GAB1: variants seen among roughly 807,000 people sequenced by gnomAD.
The protein encoded by GAB1 is GRB2-associated-binding protein 1.
Under a neutral mutation model 66.5 loss-of-function variants are expected in GAB1, and 19 were observed. That is an observed-to-expected ratio of 0.29 (90% CI 0.20 to 0.42). The LOEUF is 0.42. Among genes scored for constraint, GAB1 ranks in the 10% least tolerant of loss-of-function variants. The pLI, the probability that GAB1 is intolerant of heterozygous loss-of-function variation, is 1.00. For synonymous variants in GAB1, 294 were observed against 301.4 expected, an observed-to-expected ratio of 0.98 and a Z score of 0.25; for missense variants, 732 against 858.5, an observed-to-expected ratio of 0.85 and a Z score of 1.84.
intron 1 of GAB1, among the ~76,000 whole-genome samples, chr4:143,378,982 G>A (rs748306038): frequency 6.6e-5 from 10 of 152,096 alleles, no homozygotes; most frequent in African/African-American, 1.7e-4. Flanking sequence ...CTTAGGCCCC[G>A]AAGCCAGGAA....
intron 1 of GAB1, chr4:143,350,031 G>C: frequency 6.4e-7 from 1 of 1,555,048 alleles, no homozygotes; most frequent in Non-Finnish European, 8.7e-7. Context: ...TGCCACTGCC[G>C]AAACCTCCGC....
At chr4:143,374,398 C>T (rs187514301) in intron 1 of GAB1, among the ~76,000 whole-genome samples, 37 of 152,282 alleles carry the variant, frequency 2.4e-4, no homozygotes, top group Admixed American at 2.4e-3. Context: ...ATTTTTCTTG[C>T]TTTTCATGTG....
intron 1 of GAB1, among the ~76,000 whole-genome samples, chr4:143,410,605 T>C (rs1215762346): frequency 6.6e-6 from 1 of 152,210 alleles, no homozygotes; most frequent in Admixed American, 6.5e-5. Context: ...ATTTGCTAAA[T>C]ACAGGAAATG....
intron 1 of GAB1, among the ~76,000 whole-genome samples, chr4:143,346,157 A>G (rs1020408551): frequency 6.6e-6 from 1 of 152,200 alleles, no homozygotes; most frequent in Non-Finnish European, 1.5e-5. Context: ...AAATCACAAA[A>G]TATTTGTGTC....
chr4:143,370,803 G>A (rs1234699226), intron 1 of GAB1, among the ~76,000 whole-genome samples: 3 of 152,074 alleles, frequency 2.0e-5, no homozygotes, highest in Non-Finnish European at 2.9e-5. Context: ...GCAGTGTTTG[G>A]TTTTCTGTCC....
At chr4:143,420,307 T>C (rs1732945363) in intron 2 of GAB1, among the ~76,000 whole-genome samples, 1 of 152,088 alleles carries the variant, frequency 6.6e-6, no homozygotes, top group South Asian at 2.1e-4. Flanking sequence ...TATCACAGTC[T>C]AAGAAAATAA....
At chr4:143,462,859 A>G (rs1735574222) in intron 8 of GAB1, among the ~76,000 whole-genome samples, 1 of 152,108 alleles carries the variant, frequency 6.6e-6, no homozygotes, top group African/African-American at 2.4e-5. Context: ...ACAGGGTTTC[A>G]TCATGTTGCG....
At chr4:143,407,175 T>C (rs1277003845) in intron 1 of GAB1, among the ~76,000 whole-genome samples, 1 of 152,182 alleles carries the variant, frequency 6.6e-6, no homozygotes, top group Non-Finnish European at 1.5e-5. Context: ...TTTTCATTGC[T>C]TTAATCAGAT....
intron 2 of GAB1, among the ~76,000 whole-genome samples, chr4:143,426,974 T>G (rs1376344747): frequency 6.6e-6 from 1 of 152,178 alleles, no homozygotes; most frequent in Non-Finnish European, 1.5e-5. Flanking sequence ...TGCTCTGTAG[T>G]TCAGCTAAAC....
rs563181411 is a variant in GAB1 at position 143,427,373 on chromosome 4, TG to T, written c.368-6117del. Among the ~76,000 whole-genome samples the T allele has an allele frequency of 1.1e-4, 17 of 152,262 alleles. No individual in the cohort carries two copies. In the South Asian group the frequency reaches 3.5e-3, roughly 32 times the overall value. Reference sequence around the variant, plus strand: ...AGGGGCCATCATTTGAGGCTCCGGTTGCATGACTGTTTGGAGTTTGATGGCC... The same window carrying T: ...AGGGGCCATCATTTGAGGCTCCGGTTCATGACTGTTTGGAGTTTGATGGCC... On this transcript the variant is annotated intron_variant, in intron 2 of 9. Coordinates refer to ENST00000262994, the MANE Select transcript of GAB1 (RefSeq NM_002039.4).
chr4:143,374,529 G>T (rs1052249558), intron 1 of GAB1, among the ~76,000 whole-genome samples: 16 of 152,204 alleles, frequency 1.1e-4, no homozygotes, highest in Non-Finnish European at 2.2e-4. Context: ...TGTGTTCGGT[G>T]TGTATTTTAT....
chr4:143,466,431 A>G lies in GAB1; in HGVS notation c.1926+206A>G, dbSNP rs560890938. On this transcript the variant is annotated intron_variant, in intron 9 of 9. Transcript: ENST00000262994. ...CCTTTCTGATGGTTAGAAATTTTAT[A>G]CTTTCTACTTTTTTAGTGGTTACCA... is the stretch of plus-strand genomic sequence containing the variant. 2.7e-5 allele frequency among the ~76,000 whole-genome samples: 4 copies of G among 146,736 alleles called. No homozygotes were observed. The South Asian group carries it at 8.7e-4, about 32-fold the overall frequency.
chr4:143,382,444 T>C (rs1730695331), intron 1 of GAB1, among the ~76,000 whole-genome samples: 1 of 152,250 alleles, frequency 6.6e-6, no homozygotes, highest in Non-Finnish European at 1.5e-5. Context: ...CTTGCTTTTA[T>C]TTTCTGCTTT....
intron 2 of GAB1, among the ~76,000 whole-genome samples, chr4:143,422,666 A>C (rs950613634): frequency 1.3e-5 from 2 of 152,190 alleles, no homozygotes; most frequent in South Asian, 4.1e-4. Flanking sequence ...CAAATAGGAT[A>C]AACTGTGCAT....
intron 2 of GAB1, among the ~76,000 whole-genome samples, chr4:143,423,481 A>G (rs1024607613): frequency 6.6e-6 from 1 of 151,970 alleles, no homozygotes. Context: ...GTGGATGATG[A>G]GGTCAGGAGA....
At chr4:143,376,586 AG>A (rs1274615034) in intron 1 of GAB1, among the ~76,000 whole-genome samples, 1 of 152,260 alleles carries the variant, frequency 6.6e-6, no homozygotes, top group Non-Finnish European at 1.5e-5. Flanking sequence ...CCTGAAAAAT[AG>A]CCATCATGAT....
chr4:143,356,497 G>A (rs1729452821), intron 1 of GAB1, among the ~76,000 whole-genome samples: 1 of 152,142 alleles, frequency 6.6e-6, no homozygotes, highest in Non-Finnish European at 1.5e-5. Flanking sequence ...TATGGGAGTG[G>A]GAGTCACTTG....
At chr4:143,440,830 C>T (rs953608801) in intron 6 of GAB1, among the ~76,000 whole-genome samples, 3 of 152,196 alleles carry the variant, frequency 2.0e-5, no homozygotes, top group Non-Finnish European at 4.4e-5. Flanking sequence ...TTTTAAAGTT[C>T]TATCAACTAA....
chr4:143,457,554 T>C lies in GAB1; in HGVS notation c.1586-1831T>C, dbSNP rs1380664447. ...AATATTCTCCACAACAAACTTTTGT[T>C]CATGCTTTTAGATGTAACATTTTTG... On this transcript the variant is annotated intron_variant, in intron 6 of 9. Coordinates refer to ENST00000262994, the MANE Select transcript of GAB1 (RefSeq NM_002039.4). 1.4e-5 allele frequency: 7 copies of C among 511,338 alleles called. No homozygotes were observed. The East Asian group carries it at 2.4e-4, about 18-fold the overall frequency. 31.7% of individuals were successfully genotyped at this position (511,338 alleles called of 1,614,324 possible).
Sources: allele counts gnomAD v4.1 joint callset (sites outside exome capture counted in the v4.1 genomes callset), GRCh38; gene constraint gnomAD v4.1.1; transcripts MANE v1.5; gene names NCBI Gene and HGNC (gene_info 2026-07-23, HGNC 2026-07-21).